Variants in NELL2 observed in about 807,000 individuals in gnomAD.
NELL2 encodes the protein neural EGFL like 2, also known as protein kinase C-binding protein NELL2.
In NELL2, 41 loss-of-function variants were observed where a neutral mutation model predicts 109.6. The ratio of observed to expected loss-of-function variants is 0.37; its 90% CI spans 0.29 to 0.49. The LOEUF is 0.49. Ranked by LOEUF, NELL2 falls within the 20% of genes least tolerant of loss-of-function variation. NELL2 has a pLI of 0.98. For synonymous variants in NELL2, 355 were observed against 344.7 expected, an observed-to-expected ratio of 1.03 and a Z score of -0.33; for missense variants, 900 against 1,008.3, an observed-to-expected ratio of 0.89 and a Z score of 1.45.
intron 11 of NELL2, among the ~76,000 whole-genome samples, chr12:44,709,412 C>T (rs2136431603): frequency 6.6e-6 from 1 of 152,266 alleles, no homozygotes; most frequent in South Asian, 2.1e-4. Context: ...TTCTAACCAT[C>T]CCTACCCAAG....
At position 44,771,539 on chromosome 12, in the gene NELL2, T is replaced by C. The variant is rs146754665; in HGVS notation, c.994+3208A>G. On this transcript the variant is annotated intron_variant, in intron 9 of 19. Coordinates refer to ENST00000429094, the MANE Select transcript of NELL2 (RefSeq NM_001145108.2). ...TGTGTCTTGTAACCTATAGGAGAAA[T>C]ATGGCTTCATTATGGCTGTAATTAC... 5.9e-5 allele frequency among the ~76,000 whole-genome samples: 9 copies of C among 152,258 alleles called. 1 individual carries two copies. Among genetic ancestry groups the C allele is most frequent in the African/African-American group, 1.9e-4 (8 of 41,552 alleles).
intron 15 of NELL2, among the ~76,000 whole-genome samples, chr12:44,534,758 G>C (rs1942224428): frequency 6.6e-6 from 1 of 152,102 alleles, no homozygotes; most frequent in Admixed American, 6.5e-5. Flanking sequence ...GGGATGGTTA[G>C]AGTCATTCGT....
At chr12:44,553,583 C>A (rs1462670955) in intron 15 of NELL2, among the ~76,000 whole-genome samples, 2 of 152,048 alleles carry the variant, frequency 1.3e-5, no homozygotes, top group Non-Finnish European at 2.9e-5. Flanking sequence ...GAACTATGAA[C>A]CATGAATGCT....
intron 9 of NELL2, among the ~76,000 whole-genome samples, chr12:44,762,134 T>C (rs1941152984): frequency 6.6e-6 from 1 of 152,202 alleles, no homozygotes; most frequent in Non-Finnish European, 1.5e-5. Context: ...ACCTCCACTT[T>C]AGTCCTTTAT....
intron 13 of NELL2, among the ~76,000 whole-genome samples, chr12:44,662,513 C>T (rs1175717156): frequency 2.0e-5 from 3 of 152,046 alleles, no homozygotes. Context: ...ATTTGTGAAA[C>T]TTAAGGGATT....
intron 2 of NELL2, among the ~76,000 whole-genome samples, chr12:44,834,020 T>C (rs1434427922): frequency 6.6e-6 from 1 of 152,210 alleles, no homozygotes; most frequent in East Asian, 1.9e-4. Context: ...TCCATAAAAT[T>C]TTCTTTCTGG....
intron 15 of NELL2, among the ~76,000 whole-genome samples, chr12:44,574,225 C>A (rs1943981095): frequency 6.6e-6 from 1 of 152,004 alleles, no homozygotes; most frequent in African/African-American, 2.4e-5. Flanking sequence ...CCTCAGTCTC[C>A]CGAGTAGCTG....
rs981188800 is a variant in NELL2 at position 44,788,395 on chromosome 12, C to A, written c.336-8373G>T. ...CTCTTCTCCCAAACACACACCCACA[C>A]TGGGGAAACTGAACGTCTGTTTGAG... On this transcript the variant is annotated intron_variant, in intron 3 of 19. Transcript: ENST00000429094. 2.6e-5 allele frequency among the ~76,000 whole-genome samples: 4 copies of A among 152,280 alleles called. 1 individual carries two copies. The highest frequency in any genetic ancestry group is 9.6e-5 in the African/African-American group (4 of 41,564).
rs193249369 is a variant in NELL2, at chr12:44,607,295, C to A, written c.1568-31G>T. 10 of 1,579,030 alleles carry A rather than the reference C, an allele frequency of 6.3e-6. No individual in the cohort carries two copies. The Admixed American group carries it at 1.7e-4, about 27-fold the overall frequency. On this transcript the variant is annotated intron_variant, in intron 14 of 19. Transcript: ENST00000429094. ...ATAATTCAGATACATGATTTTAGCA[C>A]TTTAGAAGTAAGTAGTTTAATAAAC...
intron 3 of NELL2, among the ~76,000 whole-genome samples, chr12:44,782,559 A>G (rs1053164085): frequency 6.6e-6 from 1 of 151,934 alleles, no homozygotes; most frequent in African/African-American, 2.4e-5. Flanking sequence ...AAAATAATAT[A>G]TATTGAAACT....
At chr12:44,651,121 T>C (rs1008324799) in intron 13 of NELL2, among the ~76,000 whole-genome samples, 2 of 152,200 alleles carry the variant, frequency 1.3e-5, no homozygotes, top group African/African-American at 2.4e-5. Context: ...CTAGGTTGCA[T>C]GCTCCTATGG....
intron 2 of NELL2, among the ~76,000 whole-genome samples, chr12:44,844,445 T>C (rs982420125): frequency 2.0e-5 from 3 of 152,190 alleles, no homozygotes; most frequent in African/African-American, 7.2e-5. Context: ...ACAAAAAAAC[T>C]ACCTACTCTC....
intron 10 of NELL2, among the ~76,000 whole-genome samples, chr12:44,712,263 G>A (rs1938243538): frequency 6.6e-6 from 1 of 152,006 alleles, no homozygotes; most frequent in Admixed American, 6.6e-5. Context: ...TGCAAGGAAT[G>A]CTTTCATAGA....
At chr12:44,895,931 T>C (rs1052412480) in intron 1 of NELL2, among the ~76,000 whole-genome samples, 2 of 152,212 alleles carry the variant, frequency 1.3e-5, no homozygotes, top group African/African-American at 4.8e-5. Context: ...CATAATTATA[T>C]ACATTTGCAA....
At chr12:44,655,391 C>G (rs1275326416) in intron 13 of NELL2, among the ~76,000 whole-genome samples, 1 of 152,184 alleles carries the variant, frequency 6.6e-6, no homozygotes, top group Non-Finnish European at 1.5e-5. Flanking sequence ...GTGTGCTTCC[C>G]CCACTCACTG....
chr12:44,776,656 T>C (rs531513295), intron 7 of NELL2, among the ~76,000 whole-genome samples: 38 of 152,314 alleles, frequency 2.5e-4, no homozygotes, highest in African/African-American at 8.2e-4. Context: ...AACTGTAACA[T>C]AGTGGTAGAA....
In NELL2 at chr12:44,779,777, CA is replaced by C; in HGVS notation, c.510-19del. The C allele has an allele frequency of 6.2e-7, 1 of 1,613,584 alleles. No homozygotes were observed. The highest frequency in any genetic ancestry group is 1.1e-5 in the South Asian group (1 of 91,068). The stretch of plus-strand genomic sequence containing the variant: ...CATAAATTCTGCAAAAAAGAAACAT[CA>C]AAGAAGGAACGTGAGTAGACAGTCA... On this transcript the variant is annotated intron_variant, in intron 4 of 19. Transcript: ENST00000429094.
intron 1 of NELL2, among the ~76,000 whole-genome samples, chr12:44,898,497 G>A (rs764376930): frequency 2.0e-4 from 30 of 152,176 alleles, no homozygotes; most frequent in Non-Finnish European, 4.0e-4. Flanking sequence ...AACTCCAGCA[G>A]ACCTGCAGAA....
intron 12 of NELL2, among the ~76,000 whole-genome samples, chr12:44,685,723 T>C (rs1025516440): frequency 2.0e-5 from 3 of 152,182 alleles, no homozygotes; most frequent in Non-Finnish European, 4.4e-5. Flanking sequence ...TTCTTTTCTT[T>C]AAGAATGTTG....
Sources: allele counts gnomAD v4.1 joint callset (sites outside exome capture counted in the v4.1 genomes callset), GRCh38; gene constraint gnomAD v4.1.1; transcripts MANE v1.5; gene names NCBI Gene and HGNC (gene_info 2026-07-23, HGNC 2026-07-21).